Variants in DOK6 observed in about 807,000 individuals in gnomAD.
The protein encoded by DOK6 is docking protein 6, also known as downstream of tyrosine kinase 6.
In DOK6, 22 loss-of-function variants were observed where a neutral mutation model predicts 44.0. The ratio of observed to expected loss-of-function variants is 0.50; its 90% CI spans 0.36 to 0.71. The LOEUF (loss-of-function observed/expected upper bound fraction) is 0.71. DOK6 is among the 30% of genes least tolerant of loss of function. DOK6 has a pLI of 0.00. For missense variants in DOK6, 340 were observed against 416.4 expected (o/e 0.82, Z 1.60); for synonymous variants, 166 against 145.5 (o/e 1.14, Z -1.01).
chr18:69,730,653 T>G (rs943632885), intron 5 of DOK6, among the ~76,000 whole-genome samples: 26 of 152,200 alleles, frequency 1.7e-4, no homozygotes, highest in Admixed American at 6.5e-4. Context: ...GAAGTTAAAA[T>G]TTTAAGGTTG....
At position 69,682,503 on chromosome 18, in the gene DOK6, A is replaced by G. The variant is rs527504464; in HGVS notation, c.409+4650A>G. On this transcript the variant is annotated intron_variant, in intron 4 of 7. Transcript: ENST00000382713. ...TGTCTCTCAACCTCCTTACACTTGC[A>G]ACTTCCCAAAGCACACTTCTCAAAC... 3.3e-5 allele frequency among the ~76,000 whole-genome samples: 5 copies of G among 152,314 alleles called. No homozygotes were observed. In the South Asian group the frequency reaches 1.0e-3, roughly 32 times the overall value.
chr18:69,583,021 A>C, intron 2 of DOK6, among the ~76,000 whole-genome samples: 1 of 152,196 alleles, frequency 6.6e-6, no homozygotes, highest in East Asian at 1.9e-4. Context: ...TGTAATTAAG[A>C]TTTTGTATCC....
chr18:69,834,431 T>C (rs1981986052), intron 7 of DOK6, among the ~76,000 whole-genome samples: 1 of 151,924 alleles, frequency 6.6e-6, no homozygotes, highest in Non-Finnish European at 1.5e-5. Flanking sequence ...AAAATACAGT[T>C]AGATAGAAGG....
chr18:69,777,804 A>G (rs994402215), intron 7 of DOK6: 1 of 150,352 alleles, frequency 6.7e-6, no homozygotes, highest in Non-Finnish European at 1.5e-5. Context: ...TTTGTGGATG[A>G]TAAAAAAAAT....
intron 1 of DOK6, among the ~76,000 whole-genome samples, chr18:69,508,763 T>C (rs2144554188): frequency 6.6e-6 from 1 of 152,290 alleles, no homozygotes; most frequent in Non-Finnish European, 1.5e-5. Context: ...GGTCATGCCA[T>C]GATGCTTATG....
intron 1 of DOK6, among the ~76,000 whole-genome samples, chr18:69,429,662 T>TATATATATA: frequency 8.5e-6 from 1 of 117,120 alleles, no homozygotes; most frequent in African/African-American, 3.1e-5. Flanking sequence ...TATATATATA[T>TATATATATA]ATCTTATTAA....
At chr18:69,410,223 T>C (rs1448079509) in intron 1 of DOK6, among the ~76,000 whole-genome samples, 1 of 152,236 alleles carries the variant, frequency 6.6e-6, no homozygotes, top group Admixed American at 6.5e-5. Flanking sequence ...ATCCCTTTAT[T>C]AAAAAACAAT....
intron 1 of DOK6, among the ~76,000 whole-genome samples, chr18:69,444,125 A>T (rs149335426): frequency 6.6e-6 from 1 of 152,258 alleles, no homozygotes; most frequent in East Asian, 1.9e-4. Flanking sequence ...TAAAATATGT[A>T]AGTTTTAAGA....
intron 2 of DOK6, among the ~76,000 whole-genome samples, chr18:69,580,842 C>A (rs552068684): frequency 6.6e-6 from 1 of 152,250 alleles, no homozygotes; most frequent in South Asian, 2.1e-4. Flanking sequence ...ATCCCCTCAA[C>A]CCTTCCCAGC....
intron 7 of DOK6, among the ~76,000 whole-genome samples, chr18:69,805,032 GTA>G (rs1981013908): frequency 6.6e-6 from 1 of 152,210 alleles, no homozygotes; most frequent in Admixed American, 6.6e-5. Context: ...AGCAAAGGCA[GTA>G]ATTCCCAGCA....
chr18:69,569,017 T>G (rs1983053088), intron 2 of DOK6, among the ~76,000 whole-genome samples: 1 of 152,022 alleles, frequency 6.6e-6, no homozygotes, highest in African/African-American at 2.4e-5. Flanking sequence ...AAATGCAATA[T>G]GCTTGAATCA....
intron 7 of DOK6, among the ~76,000 whole-genome samples, chr18:69,760,100 T>C (rs1208545390): frequency 6.6e-6 from 1 of 152,140 alleles, no homozygotes; most frequent in African/African-American, 2.4e-5. Context: ...AATAAATAGA[T>C]AAAGTTGTTA....
chr18:69,526,781 T>G (rs1981843147), intron 1 of DOK6, among the ~76,000 whole-genome samples: 1 of 152,216 alleles, frequency 6.6e-6, no homozygotes, highest in Non-Finnish European at 1.5e-5. Context: ...ATGTTCCATG[T>G]GAACTTGAGA....
chr18:69,517,874 G>A (rs1981575856), intron 1 of DOK6, among the ~76,000 whole-genome samples: 1 of 151,928 alleles, frequency 6.6e-6, no homozygotes, highest in Admixed American at 6.6e-5. Flanking sequence ...AATCTTTGCA[G>A]GTGCTGTTTA....
At position 69,401,119 on chromosome 18, in the gene DOK6, G is replaced by C; in HGVS notation, c.-126G>C. 1 of 946,280 alleles carries C rather than the reference G, an allele frequency of 1.1e-6. No homozygotes were observed. Among genetic ancestry groups the C allele is most frequent in the Non-Finnish European group, 1.4e-6 (1 of 711,918 alleles). 58.6% of individuals were successfully genotyped at this position (946,280 alleles called of 1,614,324 possible). A position where few individuals can be genotyped will look rare whatever the true frequency, so the allele number is the denominator to read the frequency against. Reference sequence around the variant, plus strand: ...CCCACCGGCGGGAGCTCGGGGAAGAGCGGGCGGCGGCGCTGCTGCTGGCGG... The same window carrying C: ...CCCACCGGCGGGAGCTCGGGGAAGACCGGGCGGCGGCGCTGCTGCTGGCGG... On this transcript the variant is annotated 5_prime_UTR_variant, in exon 1 of 8. Transcript: ENST00000382713.
At chr18:69,478,493 A>G (rs1286557157) in intron 1 of DOK6, among the ~76,000 whole-genome samples, 1 of 152,074 alleles carries the variant, frequency 6.6e-6, no homozygotes, top group Admixed American at 6.6e-5. Flanking sequence ...CTAATCTAAA[A>G]CAAATGGGAA....
At chr18:69,591,354 A>C (rs1983617865) in intron 2 of DOK6, among the ~76,000 whole-genome samples, 1 of 152,128 alleles carries the variant, frequency 6.6e-6, no homozygotes, top group African/African-American at 2.4e-5. Flanking sequence ...TAAAGAAAAA[A>C]ACAGCTATTT....
At chr18:69,839,533 T>C (rs1380817292) in intron 7 of DOK6, among the ~76,000 whole-genome samples, 2 of 152,170 alleles carry the variant, frequency 1.3e-5, no homozygotes, top group African/African-American at 4.8e-5. Context: ...CATTTTTCCT[T>C]CACTATATCA....
chr18:69,446,660 T>C (rs1306526763), intron 1 of DOK6, among the ~76,000 whole-genome samples: 1 of 152,216 alleles, frequency 6.6e-6, no homozygotes, highest in Non-Finnish European at 1.5e-5. Context: ...TGAACTAGTT[T>C]ACAGTCCCAC....
Sources: gnomAD v4.1 joint callset for allele counts (sites outside exome capture counted in the v4.1 genomes callset) on GRCh38, gnomAD v4.1.1 for gene constraint, MANE v1.5 for transcripts, NCBI Gene and HGNC (gene_info 2026-07-23, HGNC 2026-07-21) for gene names.